GRIK2: variants seen among roughly 807,000 people sequenced by gnomAD.
The protein encoded by GRIK2 is glutamate receptor ionotropic, kainate 2.
Under a neutral mutation model 100.3 loss-of-function variants are expected in GRIK2, and 32 were observed. The ratio of observed to expected loss-of-function variants is 0.32; its 90% CI spans 0.24 to 0.43. The LOEUF (loss-of-function observed/expected upper bound fraction) is 0.43. Among genes scored for constraint, GRIK2 ranks in the 20% least tolerant of loss-of-function variants. GRIK2 has a pLI of 1.00. For synonymous variants in GRIK2, 417 were observed against 389.4 expected (o/e 1.07, Z -0.83); for missense variants, 843 against 1,114.9 (o/e 0.76, Z 3.47).
chr6:101,961,422 A>G (rs1011466320), intron 14 of GRIK2, among the ~76,000 whole-genome samples: 8 of 152,006 alleles, frequency 5.3e-5, no homozygotes, highest in Admixed American at 1.3e-4. Flanking sequence ...TAATAGTCCT[A>G]TAATGGTTCT....
intron 7 of GRIK2, among the ~76,000 whole-genome samples, chr6:101,757,190 A>T (rs1162947778): frequency 6.6e-6 from 1 of 152,170 alleles, no homozygotes; most frequent in East Asian, 1.9e-4. Flanking sequence ...TATTAGAGCC[A>T]CTTGTTACAT....
chr6:101,589,028 A>G (rs1778519499), intron 2 of GRIK2, among the ~76,000 whole-genome samples: 1 of 152,138 alleles, frequency 6.6e-6, no homozygotes, highest in South Asian at 2.1e-4. Context: ...TATGTCATTT[A>G]TAATTAATAA....
intron 2 of GRIK2, among the ~76,000 whole-genome samples, chr6:101,528,745 T>G (rs1184935207): frequency 2.6e-5 from 4 of 152,186 alleles, no homozygotes; most frequent in Admixed American, 2.6e-4. Flanking sequence ...CTTGAAATTC[T>G]AAAGAAGAAA....
At chr6:101,815,570 C>T (rs1429938334) in intron 9 of GRIK2, among the ~76,000 whole-genome samples, 1 of 149,910 alleles carries the variant, frequency 6.7e-6, no homozygotes, top group African/African-American at 2.5e-5. Flanking sequence ...ATATATAAAA[C>T]AATTCTGTAA....
chr6:101,527,176 C>A (rs1024293282), intron 2 of GRIK2, among the ~76,000 whole-genome samples: 5 of 152,150 alleles, frequency 3.3e-5, no homozygotes, highest in Non-Finnish European at 5.9e-5. Context: ...ATCTGCTCAT[C>A]CTTTTAGAAA....
chr6:101,518,627 C>A (rs1242699811), intron 2 of GRIK2, among the ~76,000 whole-genome samples: 1 of 152,088 alleles, frequency 6.6e-6, no homozygotes, highest in African/African-American at 2.4e-5. Flanking sequence ...TTGAAATGAT[C>A]TGGGAAAAAG....
chr6:101,479,843 ATTATT>A (rs1772436340), intron 2 of GRIK2, among the ~76,000 whole-genome samples: 1 of 152,120 alleles, frequency 6.6e-6, no homozygotes. Flanking sequence ...TATCCTTTGA[ATTATT>A]TTATTAAGAC....
At chr6:101,906,696 C>T (rs1210684989) in intron 12 of GRIK2, among the ~76,000 whole-genome samples, 1 of 151,556 alleles carries the variant, frequency 6.6e-6, no homozygotes, top group African/African-American at 2.4e-5. Context: ...GGATGTAATC[C>T]TAATGGTATA....
intron 2 of GRIK2, among the ~76,000 whole-genome samples, chr6:101,520,352 TTATATATTACAA>T (rs1774821808): frequency 6.6e-6 from 1 of 150,538 alleles, no homozygotes; most frequent in South Asian, 2.1e-4. Flanking sequence ...AAGTATTACA[TTATATATTACAA>T]TATATATTAC....
chr6:101,503,316 A>C (rs1166274558), intron 2 of GRIK2, among the ~76,000 whole-genome samples: 4 of 152,190 alleles, frequency 2.6e-5, no homozygotes, highest in African/African-American at 9.6e-5. Flanking sequence ...GAGCACAGAT[A>C]GTGTAGACTA....
chr6:102,010,109 A>G (rs1347104132), intron 14 of GRIK2, among the ~76,000 whole-genome samples: 2 of 152,138 alleles, frequency 1.3e-5, no homozygotes, highest in African/African-American at 2.4e-5. Context: ...GTCAACACAC[A>G]TGCGCAATCT....
At position 102,048,256 on chromosome 6, in the gene GRIK2, C is replaced by T. The variant is rs147804728; in HGVS notation, c.2312-7074C>T. On this transcript the variant is annotated intron_variant, in intron 15 of 16. Transcript: ENST00000369134. ...AGTAAGGTCAGAAATTGTAGAAGTA[C>T]TAGAAGAAAACATAGGGCAAAAACT... 2.0e-5 allele frequency among the ~76,000 whole-genome samples: 3 copies of T among 151,856 alleles called. No individual in the cohort carries two copies. In the East Asian group the frequency reaches 5.8e-4, roughly 29 times the overall value.
intron 10 of GRIK2, among the ~76,000 whole-genome samples, chr6:101,837,737 G>T (rs936439330): frequency 6.6e-6 from 1 of 152,080 alleles, no homozygotes; most frequent in Admixed American, 6.6e-5. Flanking sequence ...TCCAGAAATG[G>T]GTTGAAATTT....
chr6:101,798,523 C>T (rs1266540543), intron 7 of GRIK2, among the ~76,000 whole-genome samples: 3 of 151,886 alleles, frequency 2.0e-5, no homozygotes, highest in African/African-American at 7.3e-5. Context: ...GCTCTTTAGC[C>T]ATCTTCCATT....
At chr6:101,704,980 T>TATATATTTATATATTATATTAC (rs1228314330) in intron 7 of GRIK2, among the ~76,000 whole-genome samples, 7 of 147,010 alleles carry the variant, frequency 4.8e-5, no homozygotes, top group African/African-American at 1.7e-4. Flanking sequence ...ATATTTATAT[T>TATATATTTATATATTATATTAC]ATATATTTAT....
chr6:101,910,839 C>CCACACACACACACACACACA (rs142489212), intron 12 of GRIK2, among the ~76,000 whole-genome samples: 5,307 of 143,280 alleles, frequency 0.037, 395 homozygotes, highest in African/African-American at 0.13. Context: ...CCAACATACA[C>CCACACACACACACACACACA]CACACACACA....
chr6:101,526,565 T>C (rs1044533147), intron 2 of GRIK2, among the ~76,000 whole-genome samples: 4 of 152,224 alleles, frequency 2.6e-5, no homozygotes, highest in African/African-American at 9.6e-5. Context: ...TGGTTAGCAC[T>C]AATTTTCTAA....
chr6:101,997,514 T>C (rs1794713228), intron 14 of GRIK2, among the ~76,000 whole-genome samples: 1 of 152,094 alleles, frequency 6.6e-6, no homozygotes, highest in East Asian at 1.9e-4. Context: ...TTTTATACAG[T>C]ACCTGCTCAT....
chr6:101,809,709 T>C (rs1781214457), intron 9 of GRIK2, among the ~76,000 whole-genome samples: 1 of 152,000 alleles, frequency 6.6e-6, no homozygotes, highest in Non-Finnish European at 1.5e-5. Flanking sequence ...AAAGTGATGT[T>C]TGCTTCTCTA....
Sources: gnomAD v4.1 joint callset for allele counts (sites outside exome capture counted in the v4.1 genomes callset) on GRCh38, gnomAD v4.1.1 for gene constraint, MANE v1.5 for transcripts, NCBI Gene and HGNC (gene_info 2026-07-23, HGNC 2026-07-21) for gene names.